Variants in C11orf65 observed in about 807,000 individuals in gnomAD.
C11orf65 encodes the protein chromosome 11 open reading frame 65, also known as protein MFI.
A neutral mutation model predicts 35.3 loss-of-function variants in C11orf65; 38 were observed. The observed-to-expected ratio is 1.08, with a 90% confidence interval of 0.83 to 1.41. C11orf65 has a LOEUF of 1.41. Ranked by LOEUF, C11orf65 falls within the 40% of genes most tolerant of loss-of-function variation. C11orf65 has a pLI of 0.00. For synonymous variants in C11orf65, 105 were observed against 114.4 expected, an observed-to-expected ratio of 0.92 and a Z score of 0.53; for missense variants, 370 against 367.1, an observed-to-expected ratio of 1.01 and a Z score of -0.06.
chr11:108,420,688 C>T (rs990077140), intron 3 of C11orf65, among the ~76,000 whole-genome samples: 2 of 152,140 alleles, frequency 1.3e-5, no homozygotes, highest in African/African-American at 4.8e-5. Context: ...TGATTTAGAG[C>T]TCTCAGTATT....
At chr11:108,356,540 T>TAAAAA (rs374615780) in intron 2 of C11orf65, among the ~76,000 whole-genome samples, 1 of 97,818 alleles carries the variant, frequency 1.0e-5, no homozygotes. Context: ...CTGTCTGTCT[T>TAAAAA]AAAAAAAAAA....
chr11:108,415,282 A>G (rs545735429), intron 3 of C11orf65, among the ~76,000 whole-genome samples: 20 of 152,292 alleles, frequency 1.3e-4, no homozygotes, highest in Non-Finnish European at 2.8e-4. Context: ...AGGTTAATAT[A>G]CTAATCAACT....
chr11:108,440,868 C>A (rs1591561009), intron 2 of C11orf65, among the ~76,000 whole-genome samples: 3 of 152,112 alleles, frequency 2.0e-5, no homozygotes, highest in African/African-American at 7.2e-5. Context: ...TCCAAGATGG[C>A]CAAATAGGAA....
chr11:108,447,543 A>G (rs1387287649), intron 2 of C11orf65, among the ~76,000 whole-genome samples: 1 of 152,210 alleles, frequency 6.6e-6, no homozygotes, highest in Non-Finnish European at 1.5e-5. Context: ...TACTGGGTAC[A>G]TAACAAAATG....
intron 1 of C11orf65, among the ~76,000 whole-genome samples, chr11:108,467,202 T>C (rs2093551167): frequency 6.6e-6 from 1 of 152,040 alleles, no homozygotes; most frequent in African/African-American, 2.4e-5. Context: ...CAGTAAGGAC[T>C]TGTCAACCAG....
At chr11:108,400,031 T>C (rs2092409578) in intron 6 of C11orf65, among the ~76,000 whole-genome samples, 1 of 152,186 alleles carries the variant, frequency 6.6e-6, no homozygotes. Flanking sequence ...TGCTGGGCCA[T>C]AAAGCCCAAG....
intron 6 of C11orf65, among the ~76,000 whole-genome samples, chr11:108,394,781 T>C (rs2092264333): frequency 6.6e-6 from 1 of 152,196 alleles, no homozygotes; most frequent in African/African-American, 2.4e-5. Context: ...TGGTTCTGTG[T>C]TACATAATCT....
At chr11:108,426,635 T>C (rs1393446237) in intron 3 of C11orf65, among the ~76,000 whole-genome samples, 1 of 151,946 alleles carries the variant, frequency 6.6e-6, no homozygotes, top group Non-Finnish European at 1.5e-5. Context: ...CCTCATAGAA[T>C]TAGAAAAAAC....
At chr11:108,447,161 T>C (rs2135583434) in intron 2 of C11orf65, among the ~76,000 whole-genome samples, 1 of 152,222 alleles carries the variant, frequency 6.6e-6, no homozygotes, top group East Asian at 1.9e-4. Flanking sequence ...CAAAGGGACT[T>C]AGACTCCCAC....
intron 6 of C11orf65, among the ~76,000 whole-genome samples, chr11:108,404,842 T>C (rs1270347503): frequency 6.6e-6 from 1 of 152,162 alleles, no homozygotes; most frequent in Admixed American, 6.5e-5. Flanking sequence ...TGAAATCAAG[T>C]AGTATAGTTC....
At chr11:108,345,631 T>C (rs1008297128) in intron 2 of C11orf65, 3 of 846,510 alleles carry the variant, frequency 3.5e-6, no homozygotes, top group African/African-American at 1.7e-5. Flanking sequence ...AGGTAATGTA[T>C]CCTGTTCATC....
chr11:108,403,422 T>G (rs1459535000), intron 6 of C11orf65, among the ~76,000 whole-genome samples: 1 of 149,802 alleles, frequency 6.7e-6, no homozygotes, highest in Non-Finnish European at 1.5e-5. Flanking sequence ...TTTTTTTTGT[T>G]TTTTTTTTTT....
chr11:108,364,195 A>AAACT (rs1442152075), intron 2 of C11orf65, among the ~76,000 whole-genome samples: 2 of 152,212 alleles, frequency 1.3e-5, no homozygotes, highest in Admixed American at 1.3e-4. Flanking sequence ...ATTTACTGAG[A>AAACT]AACTGTATAC....
chr11:108,450,495 A>G (rs1591593185), intron 2 of C11orf65, among the ~76,000 whole-genome samples: 1 of 151,622 alleles, frequency 6.6e-6, no homozygotes, highest in East Asian at 1.9e-4. Flanking sequence ...AAAACTGGAA[A>G]CCGTCATTCT....
At chr11:108,387,788 A>G (rs977889157) in intron 7 of C11orf65, among the ~76,000 whole-genome samples, 22 of 152,222 alleles carry the variant, frequency 1.4e-4, no homozygotes, top group East Asian at 3.9e-4. Flanking sequence ...TTGGCCTCCC[A>G]AAGTGCTGGG....
At position 108,369,404 on chromosome 11, in the gene C11orf65, C is replaced by G. The variant is rs115651663; in HGVS notation, c.226+23804G>C. ...AAAGTGATCTAGTTGACATTTCTAG[C>G]CTAAAAGATCTGTACTAGAATATGA... On this transcript the variant is annotated intron_variant, in intron 2 of 3. Coordinates refer to the C11orf65 transcript ENST00000524755. 2.4e-4 allele frequency among the ~76,000 whole-genome samples: 37 copies of G among 152,214 alleles called. 1 individual carries two copies. The highest frequency in any genetic ancestry group is 8.4e-4 in the African/African-American group (35 of 41,516).
downstream of C11orf65, chr11:108,330,147 A>G: frequency 2.6e-6 from 4 of 1,518,424 alleles, no homozygotes; most frequent in East Asian, 2.4e-5. Context: ...GTTGTATATC[A>G]TGTGTGATTT....
intron 3 of C11orf65, among the ~76,000 whole-genome samples, chr11:108,407,361 G>A (rs1448883625): frequency 6.6e-6 from 1 of 152,064 alleles, no homozygotes; most frequent in Admixed American, 6.6e-5. Flanking sequence ...GCCCAGGCTG[G>A]AGTGCGGTGG....
chr11:108,453,854 C>T (rs1160480584), intron 2 of C11orf65, among the ~76,000 whole-genome samples: 1 of 152,190 alleles, frequency 6.6e-6, no homozygotes, highest in African/African-American at 2.4e-5. Flanking sequence ...GGGCATTAGC[C>T]TGTAATTTTA....
Sources: gnomAD v4.1 joint callset for allele counts (sites outside exome capture counted in the v4.1 genomes callset) on GRCh38, gnomAD v4.1.1 for gene constraint, MANE v1.5 for transcripts, NCBI Gene and HGNC (gene_info 2026-07-23, HGNC 2026-07-21) for gene names.